C4BPA: variants seen among roughly 807,000 people sequenced by gnomAD.
C4BPA encodes the protein complement component 4 binding protein alpha, also known as C4b-binding protein alpha chain.
In C4BPA, 31 loss-of-function variants were observed where a neutral mutation model predicts 63.7. That is an observed-to-expected ratio of 0.49 (90% CI 0.37 to 0.66). C4BPA has a LOEUF of 0.66. Among genes scored for constraint, C4BPA ranks in the 30% least tolerant of loss-of-function variants. C4BPA has a pLI of 0.00. For synonymous variants in C4BPA, 259 were observed against 254.7 expected (o/e 1.02, Z -0.16); for missense variants, 572 against 723.3 (o/e 0.79, Z 2.40).
chr1:207,132,243 C>A (rs4571969), intron 8 of C4BPA, among the ~76,000 whole-genome samples: 1 of 152,002 alleles, frequency 6.6e-6, no homozygotes, highest in Admixed American at 6.6e-5. Flanking sequence ...CGTGACTGAG[C>A]ATTCTCACTT....
chr1:207,106,441 GT>G (rs757122192), intron 1 of C4BPA, among the ~76,000 whole-genome samples: 144 of 118,386 alleles, frequency 1.2e-3, no homozygotes, highest in Middle Eastern at 4.9e-3. Context: ...CTCCGTGTAA[GT>G]TTTTTTTTTT....
intron 3 of C4BPA, among the ~76,000 whole-genome samples, chr1:207,115,196 T>C (rs1272363093): frequency 6.6e-6 from 1 of 152,220 alleles, no homozygotes; most frequent in African/African-American, 2.4e-5. Context: ...GCTGCAATTA[T>C]TTAACTGGTC....
At chr1:207,115,563 A>C in intron 4 of C4BPA, 48 bp downstream of exon 4, 3 of 1,023,250 alleles carry the variant, frequency 2.9e-6, no homozygotes, top group Non-Finnish European at 4.3e-6. Context: ...TTATTTAAAA[A>C]ATAGCTGAAG....
chr1:207,131,422 C>A lies in C4BPA; in HGVS notation c.890-124C>A, dbSNP rs1014011771. Reference sequence around the variant, plus strand: ...TTTCTGGTGTGGTTGATACATCAGGCCTTGCAGGCTGGTTCCAGGCTGAAT... The same window carrying A: ...TTTCTGGTGTGGTTGATACATCAGGACTTGCAGGCTGGTTCCAGGCTGAAT... On this transcript the variant is annotated intron_variant, in intron 7 of 11. Coordinates refer to ENST00000367070, the MANE Select transcript of C4BPA (RefSeq NM_000715.4). 1.4e-5 allele frequency: 9 copies of A among 640,688 alleles called. 1 individual carries two copies. The South Asian group carries it at 1.8e-4, about 13-fold the overall frequency. The allele number at this position is 640,688 out of a possible 1,614,324, so 39.7% of individuals were successfully genotyped here. A position where few individuals can be genotyped will look rare whatever the true frequency, so the allele number is the denominator to read the frequency against.
chr1:207,122,434 T>C (rs1337261710), intron 4 of C4BPA, among the ~76,000 whole-genome samples: 1 of 152,206 alleles, frequency 6.6e-6, no homozygotes, highest in Admixed American at 6.5e-5. Flanking sequence ...TCTAAATTAT[T>C]ATTCTTTATC....
At chr1:207,112,846 C>T in intron 1 of C4BPA, 155 bp from the exon 2 acceptor site, 4 of 625,290 alleles carry the variant, frequency 6.4e-6, no homozygotes, top group Non-Finnish European at 1.1e-5. Flanking sequence ...TCCTTACTGT[C>T]TTGTGCTGTA....
At position 207,126,930 on chromosome 1, in the gene C4BPA, G is replaced by C. The variant is rs372894862; in HGVS notation, c.889+35G>C. On this transcript the variant is annotated intron_variant, in intron 7 of 11. Coordinates refer to ENST00000367070, the MANE Select transcript of C4BPA (RefSeq NM_000715.4). ...GACTGTGACAGAATTTCAATGTTTG[G>C]CATCTAAAGGTACCCCGTACTGTTA... is the stretch of plus-strand genomic sequence containing the variant. The C allele has an allele frequency of 1.3e-5, 20 of 1,539,442 alleles. No individual in the cohort carries two copies. In the Admixed American group the frequency reaches 3.4e-4, roughly 26 times the overall value.
intron 1 of C4BPA, among the ~76,000 whole-genome samples, chr1:207,110,555 C>T (rs546485653): frequency 3.3e-5 from 5 of 152,096 alleles, no homozygotes; most frequent in Middle Eastern, 3.4e-3. Context: ...TTTGGGAGGC[C>T]GAGGCGGGAG....
intron 9 of C4BPA, among the ~76,000 whole-genome samples, chr1:207,136,563 G>A (rs1685284560): frequency 6.6e-6 from 1 of 152,040 alleles, no homozygotes; most frequent in African/African-American, 2.4e-5. Flanking sequence ...CACTTTCTTT[G>A]GGTGCACCAT....
chr1:207,129,623 A>T (rs2102347362), intron 7 of C4BPA, among the ~76,000 whole-genome samples: 1 of 152,308 alleles, frequency 6.6e-6, no homozygotes, highest in Admixed American at 6.5e-5. Flanking sequence ...TAAGATTAAC[A>T]TCTGATTCCT....
At chr1:207,140,976 A>G (rs755596075) in intron 9 of C4BPA, 130 bp from the exon 10 acceptor site, 1 of 634,940 alleles carries the variant, frequency 1.6e-6, no homozygotes, top group Non-Finnish European at 2.6e-6. Context: ...GGGTTTGGCT[A>G]CGTGCTCTTA....
intron 8 of C4BPA, among the ~76,000 whole-genome samples, chr1:207,134,017 A>AT (rs1017927009): frequency 3.3e-5 from 5 of 152,072 alleles, no homozygotes; most frequent in East Asian, 1.9e-4. Context: ...TTTTTTAAAT[A>AT]TTTTTTATTT....
intron 8 of C4BPA, among the ~76,000 whole-genome samples, chr1:207,132,750 C>T (rs866017741): frequency 2.0e-5 from 3 of 152,180 alleles, no homozygotes; most frequent in Admixed American, 6.5e-5. Context: ...AGGCTAGGTG[C>T]GGTGGCTCCT....
chr1:207,112,194 A>G (rs891640652), intron 1 of C4BPA, among the ~76,000 whole-genome samples: 1 of 152,034 alleles, frequency 6.6e-6, no homozygotes. Context: ...TTTTTCATAT[A>G]TATATATGTG....
chr1:207,123,451 C>T (rs759231203), intron 4 of C4BPA, among the ~76,000 whole-genome samples: 17 of 151,838 alleles, frequency 1.1e-4, no homozygotes, highest in Non-Finnish European at 2.1e-4. Context: ...GGCAGGAAGA[C>T]GAACTGAGGA....
rs1315880752 is a variant in C4BPA, at chr1:207,114,142, T to C, written c.185T>C (p.Met62Thr). The part of the protein sequence containing the change: ...PPPTLSFAAP[M>T]DITLTETRFK... ...CCCACTTTATCATTTGCTGCCCCGA[T>C]GGATATTACGTTGACTGAGACACGC... is the stretch of plus-strand genomic sequence containing the variant. Residue 62 changes from methionine (M) to threonine (T), a missense_variant, in exon 3 of 12, where the codon ATG (methionine) becomes ACG (threonine). Around this residue, in one of 2 missense-constraint regions of C4BPA, gnomAD observed 107 missense variants for 93.9 expected, o/e 1.14. Transcript: ENST00000367070. 3 of 1,613,496 alleles carry C rather than the reference T, an allele frequency of 1.9e-6. No homozygotes were observed. Among genetic ancestry groups the C allele is most frequent in the Non-Finnish European group, 1.7e-6 (2 of 1,179,708 alleles).
In C4BPA at chr1:207,121,608, T is replaced by C. The variant is rs553955975; in HGVS notation, c.429-2314T>C. Among the ~76,000 whole-genome samples the C allele has an allele frequency of 2.0e-5, 3 of 152,250 alleles. No individual in the cohort carries two copies. In the East Asian group the frequency reaches 5.8e-4, roughly 29 times the overall value. ...TTACATTTATTGATGTGAGTGATAC[T>C]TATAGACTTGGTTTTATCATATTAT... On this transcript the variant is annotated intron_variant, in intron 4 of 11. Transcript: ENST00000367070.
chr1:207,137,105 G>A (rs1344550675), intron 9 of C4BPA, among the ~76,000 whole-genome samples: 3 of 152,138 alleles, frequency 2.0e-5, no homozygotes, highest in African/African-American at 4.8e-5. Context: ...TTACCCTCTT[G>A]GGAAGATCCC....
intron 1 of C4BPA, among the ~76,000 whole-genome samples, chr1:207,110,684 A>G (rs934650137): frequency 6.6e-6 from 1 of 152,212 alleles, no homozygotes; most frequent in African/African-American, 2.4e-5. Flanking sequence ...ATGAGTATAA[A>G]TATATCCTTT....
Sources: allele counts gnomAD v4.1 joint callset (sites outside exome capture counted in the v4.1 genomes callset), GRCh38; gene constraint gnomAD v4.1.1; regional missense constraint gnomAD v4.1.1; transcripts MANE v1.5; gene names NCBI Gene and HGNC (gene_info 2026-07-23, HGNC 2026-07-21).